The following POU6F2 variants were observed in gnomAD, a reference collection of about 807,000 sequenced individuals.
POU6F2 encodes POU class 6 homeobox 2, also known as POU domain, class 6, transcription factor 2.
POU6F2 carries 31 observed loss-of-function variants against 71.3 expected under a neutral mutation model. The ratio of observed to expected loss-of-function variants is 0.43; its 90% CI spans 0.33 to 0.59. The LOEUF (loss-of-function observed/expected upper bound fraction) is 0.59. Among genes scored for constraint, POU6F2 ranks in the 20% least tolerant of loss-of-function variants. The pLI is 0.04. For synonymous variants in POU6F2, 347 were observed against 355.7 expected (o/e 0.98, Z 0.27); for missense variants, 783 against 856.8 (o/e 0.91, Z 1.07).
chr7:39,190,725 A>G (rs780077828), intron 2 of POU6F2, among the ~76,000 whole-genome samples: 144 of 143,806 alleles, frequency 1.0e-3, no homozygotes, highest in Non-Finnish European at 7.9e-4. Flanking sequence ...GCAACCTCCA[A>G]CTCCTAGGTT....
intron 4 of POU6F2, among the ~76,000 whole-genome samples, chr7:39,243,210 C>G (rs1333484702): frequency 2.0e-5 from 3 of 152,112 alleles, no homozygotes; most frequent in Non-Finnish European, 4.4e-5. Flanking sequence ...TATTTACCAA[C>G]TGGATCAAGA....
chr7:39,464,376 A>G lies in POU6F2; in HGVS notation c.1853A>G (p.His618Arg), dbSNP rs758807460. The change falls in exon 10 of 10, where the codon CAT becomes CGT. Residue 618 changes from histidine to arginine, a missense_variant. Transcript: ENST00000518318. This position sits in a 1 kb window ranked among gnomAD's most constrained non-coding sequence, Gnocchi z 4.1. ...TGGATGGCTGAGGCTGAGGCCCGCC[A>G]TCGAGCAGGTATGCAGAACCTGACC... ...ERWMAEAEAR[H>R]RAGMQNLTEF... is the part of the protein sequence containing the mutation. 5 of 1,613,938 alleles carry G rather than the reference A, an allele frequency of 3.1e-6. No homozygotes were observed. The Admixed American group carries it at 8.3e-5, about 27-fold the overall frequency.
At chr7:39,413,594 G>A (rs1226944636) in intron 6 of POU6F2, among the ~76,000 whole-genome samples, 1 of 151,978 alleles carries the variant, frequency 6.6e-6, no homozygotes, top group Non-Finnish European at 1.5e-5. Flanking sequence ...TGTCTCATTT[G>A]CAATGTCATT....
chr7:39,407,642 G>A lies in POU6F2; in HGVS notation c.1113+902G>A, dbSNP rs1787463739. ...ATTCTCACAAAGACTTTTCCCCCCA[G>A]CCTTATCTATTTGCCCAGCAGTGTG... On this transcript the variant is annotated intron_variant, in intron 6 of 9. Coordinates refer to ENST00000518318, the MANE Select transcript of POU6F2 (RefSeq NM_001370959.1). 3.3e-5 allele frequency among the ~76,000 whole-genome samples: 5 copies of A among 151,936 alleles called. No individual in the cohort carries two copies. The South Asian group carries it at 1.0e-3, about 32-fold the overall frequency.
At chr7:39,155,265 TG>T (rs1290937085) in intron 2 of POU6F2, among the ~76,000 whole-genome samples, 10 of 108,818 alleles carry the variant, frequency 9.2e-5, no homozygotes, top group East Asian at 6.2e-4. Flanking sequence ...GGGTGGGGGT[TG>T]GGGGGGAGTT....
At chr7:39,033,531 T>G (rs1452721828) in intron 1 of POU6F2, among the ~76,000 whole-genome samples, 1 of 152,232 alleles carries the variant, frequency 6.6e-6, no homozygotes, top group Admixed American at 6.5e-5. Flanking sequence ...AGGATCCTAA[T>G]GTACTGTCAC....
At chr7:39,419,650 A>G (rs890135308) in intron 6 of POU6F2, among the ~76,000 whole-genome samples, 6 of 152,282 alleles carry the variant, frequency 3.9e-5, no homozygotes, top group African/African-American at 1.2e-4. Flanking sequence ...TAGTTAACTC[A>G]CTTCAATTGT....
intron 5 of POU6F2, chr7:39,373,489 A>G (rs1322692393): frequency 1.1e-5 from 5 of 456,608 alleles, no homozygotes; most frequent in Non-Finnish European, 2.2e-5. Context: ...CCTGCACCCA[A>G]GGAGGAGTAT....
intron 4 of POU6F2, among the ~76,000 whole-genome samples, chr7:39,293,769 C>A (rs992965951): frequency 6.6e-6 from 1 of 152,172 alleles, no homozygotes; most frequent in Admixed American, 6.5e-5. Context: ...AAAGGAAACC[C>A]GTGACTGTTT....
At chr7:39,393,287 T>C (rs189149899) in intron 5 of POU6F2, among the ~76,000 whole-genome samples, 8 of 152,314 alleles carry the variant, frequency 5.3e-5, no homozygotes, top group Admixed American at 3.9e-4. Context: ...GTATTTTCTC[T>C]AATAATTTAG....
intron 2 of POU6F2, among the ~76,000 whole-genome samples, chr7:39,201,701 A>G (rs995516389): frequency 6.6e-6 from 1 of 152,138 alleles, no homozygotes; most frequent in Non-Finnish European, 1.5e-5. Context: ...AACCCATTCA[A>G]GTTTGTGTTT....
chr7:39,017,453 TTTG>T (rs1789583514), intron 1 of POU6F2, among the ~76,000 whole-genome samples: 1 of 152,182 alleles, frequency 6.6e-6, no homozygotes, highest in Non-Finnish European at 1.5e-5. Context: ...ACTGTTCTCC[TTTG>T]TTTGCCCATG....
At chr7:39,267,178 G>T (rs565588701) in intron 4 of POU6F2, among the ~76,000 whole-genome samples, 3 of 152,284 alleles carry the variant, frequency 2.0e-5, no homozygotes, top group South Asian at 2.1e-4. Context: ...AAAATAAGGG[G>T]TGAATAGAAC....
intron 4 of POU6F2, among the ~76,000 whole-genome samples, chr7:39,310,096 C>A (rs1407265944): frequency 6.6e-6 from 1 of 152,068 alleles, no homozygotes; most frequent in African/African-American, 2.4e-5. Flanking sequence ...ACTATTGGAG[C>A]CTTAACTCTG....
At chr7:39,071,675 A>G (rs1435861503) in intron 1 of POU6F2, among the ~76,000 whole-genome samples, 1 of 151,082 alleles carries the variant, frequency 6.6e-6, no homozygotes, top group Non-Finnish European at 1.5e-5. Context: ...ACACACACAC[A>G]CACACACACA....
chr7:39,009,894 G>C (rs1336219461), intron 1 of POU6F2, among the ~76,000 whole-genome samples: 2 of 151,338 alleles, frequency 1.3e-5, no homozygotes, highest in Non-Finnish European at 3.0e-5. Flanking sequence ...TGGTGGATAA[G>C]CTTTTTGATG....
chr7:39,226,404 G>A (rs1310702960), intron 4 of POU6F2, among the ~76,000 whole-genome samples: 2 of 152,068 alleles, frequency 1.3e-5, no homozygotes, highest in Non-Finnish European at 2.9e-5. Flanking sequence ...TTCAGCTACT[G>A]TTGTTGAATG....
chr7:39,160,123 G>A (rs1439608819), intron 2 of POU6F2, among the ~76,000 whole-genome samples: 1 of 152,196 alleles, frequency 6.6e-6, no homozygotes, highest in Non-Finnish European at 1.5e-5. Context: ...CCCAAGTTGA[G>A]AGAGGGTTTC....
At chr7:39,110,225 C>T (rs1584547229) in intron 2 of POU6F2, among the ~76,000 whole-genome samples, 1 of 143,354 alleles carries the variant, frequency 7.0e-6, no homozygotes, top group Non-Finnish European at 1.5e-5. Flanking sequence ...GAGCTGAGAT[C>T]GCATCACTGC....
Sources: gnomAD v4.1 joint callset for allele counts (sites outside exome capture counted in the v4.1 genomes callset) on GRCh38, gnomAD v4.1.1 for gene constraint, Gnocchi (gnomAD v3.1) non-coding constraint, MANE v1.5 for transcripts, NCBI Gene and HGNC (gene_info 2026-07-23, HGNC 2026-07-21) for gene names.